The following GRID2 variants were observed in gnomAD, a reference collection of about 807,000 sequenced individuals.
GRID2 encodes the protein glutamate receptor ionotropic, delta-2.
In GRID2, 33 loss-of-function variants were observed where a neutral mutation model predicts 114.8. That is an observed-to-expected ratio of 0.29 (90% CI 0.22 to 0.38). The LOEUF is 0.38. Ranked by LOEUF, GRID2 falls within the 10% of genes least tolerant of loss-of-function variation. The probability of loss-of-function intolerance (pLI) is 1.00; values close to 1 mark genes in which losing one functional copy is unlikely to be tolerated. For synonymous variants in GRID2, 505 were observed against 449.9 expected, an observed-to-expected ratio of 1.12 and a Z score of -1.55; for missense variants, 1,184 against 1,257.7, an observed-to-expected ratio of 0.94 and a Z score of 0.89.
intron 2 of GRID2, among the ~76,000 whole-genome samples, chr4:93,077,668 A>G (rs1483809785): frequency 1.3e-5 from 2 of 152,192 alleles, no homozygotes; most frequent in Admixed American, 6.5e-5. Context: ...AATTTTACCT[A>G]TAATGACCAA....
intron 4 of GRID2, among the ~76,000 whole-genome samples, chr4:93,119,249 A>G (rs1445522358): frequency 6.6e-6 from 1 of 152,214 alleles, no homozygotes; most frequent in Non-Finnish European, 1.5e-5. Flanking sequence ...ATTGTTACAC[A>G]ATATATCTGT....
intron 14 of GRID2, among the ~76,000 whole-genome samples, chr4:93,666,101 T>C (rs1331730210): frequency 1.3e-5 from 2 of 152,114 alleles, no homozygotes; most frequent in Non-Finnish European, 2.9e-5. Context: ...TAATAGATGA[T>C]CAGTAAATGT....
intron 4 of GRID2, among the ~76,000 whole-genome samples, chr4:93,146,503 C>T (rs764316466): frequency 3.4e-4 from 52 of 151,840 alleles, no homozygotes; most frequent in Non-Finnish European, 6.2e-4. Flanking sequence ...ATGGAATTTA[C>T]GTTCAAATTC....
At chr4:93,598,879 A>C (rs1344881039) in intron 13 of GRID2, among the ~76,000 whole-genome samples, 1 of 152,200 alleles carries the variant, frequency 6.6e-6, no homozygotes, top group Non-Finnish European at 1.5e-5. Flanking sequence ...ATGTGCCTTC[A>C]TATTGAGTAT....
intron 10 of GRID2, among the ~76,000 whole-genome samples, chr4:93,429,082 G>A (rs1473935101): frequency 6.6e-6 from 1 of 152,192 alleles, no homozygotes; most frequent in Non-Finnish European, 1.5e-5. Flanking sequence ...CCTAGCTGCT[G>A]GGATCAAGAA....
intron 2 of GRID2, among the ~76,000 whole-genome samples, chr4:92,611,940 A>G (rs558245262): frequency 9.5e-4 from 144 of 151,526 alleles, no homozygotes; most frequent in African/African-American, 1.4e-3. Context: ...CTACTAGTCC[A>G]TGATTTTCCC....
At chr4:93,010,343 A>G (rs929277176) in intron 2 of GRID2, among the ~76,000 whole-genome samples, 1 of 151,968 alleles carries the variant, frequency 6.6e-6, no homozygotes, top group African/African-American at 2.4e-5. Context: ...GCATATGTGT[A>G]TGTGTACACA....
intron 14 of GRID2, among the ~76,000 whole-genome samples, chr4:93,646,921 T>C (rs1722164974): frequency 6.6e-6 from 1 of 152,152 alleles, no homozygotes; most frequent in South Asian, 2.1e-4. Flanking sequence ...CAAAGTAGGT[T>C]AACAAACAAG....
intron 2 of GRID2, among the ~76,000 whole-genome samples, chr4:92,690,072 T>A (rs1268937178): frequency 6.6e-6 from 1 of 151,730 alleles, no homozygotes; most frequent in South Asian, 2.1e-4. Flanking sequence ...TTAAAAAAAT[T>A]TTTTTAAGCT....
chr4:92,942,679 A>G (rs1211570924), intron 2 of GRID2, among the ~76,000 whole-genome samples: 10 of 152,176 alleles, frequency 6.6e-5, no homozygotes, highest in South Asian at 4.2e-4. Flanking sequence ...GGTCTTTACA[A>G]TTGTGTATGT....
At chr4:93,584,533 G>T (rs1737342978) in intron 13 of GRID2, among the ~76,000 whole-genome samples, 1 of 151,892 alleles carries the variant, frequency 6.6e-6, no homozygotes, top group Admixed American at 6.6e-5. Context: ...TTGAACTATT[G>T]TGTTCTAGTC....
chr4:93,122,890 G>GTTTTGT (rs1733914767), intron 4 of GRID2, among the ~76,000 whole-genome samples: 1 of 69,804 alleles, frequency 1.4e-5, no homozygotes, highest in Non-Finnish European at 2.5e-5. Flanking sequence ...ACAGATGTGG[G>GTTTTGT]TTTTTTTTTT....
intron 2 of GRID2, among the ~76,000 whole-genome samples, chr4:92,624,586 G>A (rs2149241328): frequency 6.6e-6 from 1 of 151,836 alleles, no homozygotes; most frequent in Admixed American, 6.6e-5. Flanking sequence ...TTGCTATCAG[G>A]AAGTCATATG....
chr4:92,958,378 T>C (rs550194701), intron 2 of GRID2, among the ~76,000 whole-genome samples: 7 of 152,098 alleles, frequency 4.6e-5, no homozygotes, highest in African/African-American at 1.4e-4. Flanking sequence ...GATTTTATGA[T>C]GAATTTTTGG....
intron 4 of GRID2, among the ~76,000 whole-genome samples, chr4:93,119,205 T>C (rs1375131556): frequency 1.3e-5 from 2 of 152,206 alleles, no homozygotes; most frequent in Non-Finnish European, 2.9e-5. Flanking sequence ...TATGTGCAGC[T>C]GAGTATATAA....
intron 2 of GRID2, among the ~76,000 whole-genome samples, chr4:92,944,002 G>T (rs190454517): frequency 1.3e-5 from 2 of 152,250 alleles, no homozygotes; most frequent in South Asian, 4.2e-4. Context: ...CTACTGGGGG[G>T]TGCCTCCCAG....
chr4:92,389,948 T>C (rs781586327), intron 1 of GRID2, among the ~76,000 whole-genome samples: 21 of 152,140 alleles, frequency 1.4e-4, no homozygotes, highest in Non-Finnish European at 2.9e-4. Context: ...ATATGTTGAA[T>C]ATGTTGAATT....
rs935701294 is a variant in GRID2, at chr4:93,626,546, A to G, written c.2360+111A>G. The G allele has an allele frequency of 1.1e-5, 7 of 634,896 alleles. No homozygotes were observed. The African/African-American group carries it at 1.3e-4, about 12-fold the overall frequency. The allele number at this position is 634,896 out of a possible 1,614,324, so 39.3% of individuals were successfully genotyped here. A position where few individuals can be genotyped will look rare whatever the true frequency, so the allele number is the denominator to read the frequency against. On this transcript the variant is annotated intron_variant, in intron 14 of 15. Transcript: ENST00000282020. ...TTTTGTTTCCTTTGTTAGGAGAAGC[A>G]CAATAAACAACAACAACAAAAAAGA...
intron 1 of GRID2, among the ~76,000 whole-genome samples, chr4:92,505,290 T>C (rs1268967778): frequency 6.6e-6 from 1 of 152,056 alleles, no homozygotes; most frequent in African/African-American, 2.4e-5. Context: ...TAACTTTTTA[T>C]TTTTAATGGC....
Sources: allele counts gnomAD v4.1 joint callset (sites outside exome capture counted in the v4.1 genomes callset), GRCh38; gene constraint gnomAD v4.1.1; transcripts MANE v1.5; gene names NCBI Gene and HGNC (gene_info 2026-07-23, HGNC 2026-07-21).